CBFA2T2: variants seen among roughly 807,000 people sequenced by gnomAD.
CBFA2T2 encodes the protein CBFA2/RUNX1 partner transcriptional co-repressor 2.
CBFA2T2 carries 11 observed loss-of-function variants against 62.2 expected under a neutral mutation model. That is an observed-to-expected ratio of 0.18 (90% CI 0.11 to 0.29). The LOEUF (loss-of-function observed/expected upper bound fraction) is 0.29, where lower values mean the gene tolerates loss of function less well. CBFA2T2 is among the 10% of genes least tolerant of loss of function. CBFA2T2 has a pLI of 1.00. For synonymous variants in CBFA2T2, 295 were observed against 287.5 expected (o/e 1.03, Z -0.27); for missense variants, 592 against 774.1 (o/e 0.76, Z 2.79).
chr20:33,566,459 A>G (rs973237192), intron 1 of CBFA2T2, among the ~76,000 whole-genome samples: 2 of 152,072 alleles, frequency 1.3e-5, no homozygotes, highest in Non-Finnish European at 2.9e-5. Context: ...TACAAAAATT[A>G]GCCGGGCGTG....
intron 1 of CBFA2T2, among the ~76,000 whole-genome samples, chr20:33,595,091 G>A: frequency 6.6e-6 from 1 of 152,216 alleles, no homozygotes; most frequent in Non-Finnish European, 1.5e-5. Flanking sequence ...AACAGACTTG[G>A]CAATTACAAT....
At chr20:33,503,667 CAG>C (rs758940060) in intron 1 of CBFA2T2, among the ~76,000 whole-genome samples, 1 of 152,016 alleles carries the variant, frequency 6.6e-6, no homozygotes, top group Non-Finnish European at 1.5e-5. Context: ...TCTGTCTTGG[CAG>C]AGTCTCAGAA....
At chr20:33,592,374 T>TTATATATA (rs11473567) in intron 1 of CBFA2T2, among the ~76,000 whole-genome samples, 36 of 142,980 alleles carry the variant, frequency 2.5e-4, no homozygotes, top group South Asian at 1.5e-3. Flanking sequence ...AAAAAAAATT[T>TTATATATA]TATATATATA....
At chr20:33,494,232 CATATATAT>C (rs2011170905) in intron 1 of CBFA2T2, among the ~76,000 whole-genome samples, 12 of 60,036 alleles carry the variant, frequency 2.0e-4, no homozygotes, top group African/African-American at 7.1e-4. Flanking sequence ...ATGTATTAGG[CATATATAT>C]GTGTATATAT....
Position 33,644,955 on chromosome 20 carries a change from C to G in CBFA2T2, c.*309C>G. 3.0e-6 allele frequency: 1 copy of G among 329,096 alleles called. No homozygotes were observed. Among genetic ancestry groups the G allele is most frequent in the South Asian group, 5.6e-5 (1 of 17,788 alleles). The allele number at this position is 329,096 out of a possible 1,614,324, so 20.4% of individuals were successfully genotyped here. ...CCCTTTTCAGTGTAGACCACCAGCT[C>G]CCCTCCCCATCTCCTTGAGTCAGCA... On this transcript the variant is annotated 3_prime_UTR_variant, in exon 11 of 11. Transcript: ENST00000342704.
rs868728307 is a variant in CBFA2T2 at position 33,643,798 on chromosome 20, T to C, written c.1489-549T>C. 1.0e-4 allele frequency among the ~76,000 whole-genome samples: 3 copies of C among 28,960 alleles called. 1 individual carries two copies. The highest frequency in any genetic ancestry group is 3.2e-4 in the African/African-American group (3 of 9,390). 19.0% of individuals were successfully genotyped at this position (28,960 alleles called of 152,430 possible). A position where few individuals can be genotyped will look rare whatever the true frequency, so the allele number is the denominator to read the frequency against. ...ATATATATATATATATATATATATA[T>C]ATATATATATATATATATAGTATAT... is the stretch of plus-strand genomic sequence containing the variant. On this transcript the variant is annotated intron_variant, in intron 10 of 10. Coordinates refer to ENST00000342704, the MANE Select transcript of CBFA2T2 (RefSeq NM_001032999.3).
chr20:33,578,620 A>T (rs879635159), intron 1 of CBFA2T2, among the ~76,000 whole-genome samples: 1 of 152,200 alleles, frequency 6.6e-6, no homozygotes, highest in African/African-American at 2.4e-5. Flanking sequence ...ATGACATGGC[A>T]GTGTATTTCC....
chr20:33,517,570 C>G (rs1408166463), intron 1 of CBFA2T2, among the ~76,000 whole-genome samples: 1 of 151,750 alleles, frequency 6.6e-6, no homozygotes, highest in African/African-American at 2.4e-5. Context: ...GTGCCTCAGC[C>G]TCTTGAGTAG....
intron 1 of CBFA2T2, among the ~76,000 whole-genome samples, chr20:33,605,549 C>T (rs1362846804): frequency 6.6e-6 from 1 of 152,152 alleles, no homozygotes; most frequent in African/African-American, 2.4e-5. Flanking sequence ...TTAGCTCAGA[C>T]CTACCTAATT....
At chr20:33,642,074 C>G (rs1269345218) in intron 10 of CBFA2T2, among the ~76,000 whole-genome samples, 1 of 150,936 alleles carries the variant, frequency 6.6e-6, no homozygotes, top group African/African-American at 2.4e-5. Context: ...CTTTAATCCC[C>G]CTCCCTTTTC....
intron 1 of CBFA2T2, among the ~76,000 whole-genome samples, chr20:33,559,668 A>C (rs1003166181): frequency 6.6e-6 from 1 of 151,964 alleles, no homozygotes; most frequent in Admixed American, 6.6e-5. Flanking sequence ...TGTATTTTTT[A>C]GTAGAGGCGG....
chr20:33,551,929 CT>C (rs1302460841), intron 1 of CBFA2T2, among the ~76,000 whole-genome samples: 2 of 147,122 alleles, frequency 1.4e-5, no homozygotes, highest in Admixed American at 6.7e-5. Context: ...CTTTTTTTTT[CT>C]GCTTACGTAA....
intron 1 of CBFA2T2, chr20:33,562,314 C>T (rs1261093034): frequency 2.2e-6 from 2 of 930,160 alleles, no homozygotes; most frequent in East Asian, 1.2e-4. Flanking sequence ...TGGCAAAGAG[C>T]CCTGGTAACA....
chr20:33,522,576 A>T (rs1272350135), intron 1 of CBFA2T2, among the ~76,000 whole-genome samples: 1 of 151,892 alleles, frequency 6.6e-6, no homozygotes, highest in Non-Finnish European at 1.5e-5. Context: ...AAAAAAAAAA[A>T]TTAAAAAAAT....
At chr20:33,634,525 AG>A (rs2016560725) in intron 8 of CBFA2T2, among the ~76,000 whole-genome samples, 1 of 152,038 alleles carries the variant, frequency 6.6e-6, no homozygotes, top group African/African-American at 2.4e-5. Flanking sequence ...TATGAAAATT[AG>A]CTGATTGTGG....
At chr20:33,635,543 A>G (rs1396783122) in intron 8 of CBFA2T2, among the ~76,000 whole-genome samples, 1 of 152,206 alleles carries the variant, frequency 6.6e-6, no homozygotes, top group Admixed American at 6.5e-5. Flanking sequence ...GATTTACACA[A>G]CAGGAGGATA....
chr20:33,620,031 G>A (rs1396983255), intron 4 of CBFA2T2, among the ~76,000 whole-genome samples: 1 of 152,152 alleles, frequency 6.6e-6, no homozygotes, highest in African/African-American at 2.4e-5. Flanking sequence ...GTCAGGAGAC[G>A]ATGTAGGAAG....
In CBFA2T2 at chr20:33,646,073, G is replaced by C. The variant is rs2017038054; in HGVS notation, c.*1427G>C. On this transcript the variant is annotated 3_prime_UTR_variant, in exon 11 of 11. Transcript: ENST00000342704. The stretch of plus-strand genomic sequence containing the variant: ...GGCTGGAGTGCAGTGGCATGATCTT[G>C]GCTCACTGCAACCTCTGCCTTCCAG... 1 of 152,058 alleles carries C rather than the reference G, an allele frequency of 6.6e-6. No individual in the cohort carries two copies. The highest frequency in any genetic ancestry group is 1.5e-5 in the Non-Finnish European group (1 of 68,040). 9.4% of individuals were successfully genotyped at this position (152,058 alleles called of 1,614,324 possible).
At chr20:33,545,010 T>A (rs1755762) in intron 1 of CBFA2T2, among the ~76,000 whole-genome samples, 2 of 113,944 alleles carry the variant, frequency 1.8e-5, no homozygotes, top group African/African-American at 3.3e-5. Flanking sequence ...TAGAATAGAA[T>A]AGAACAGAAC....
Sources: allele counts gnomAD v4.1 joint callset (sites outside exome capture counted in the v4.1 genomes callset), GRCh38; gene constraint gnomAD v4.1.1; transcripts MANE v1.5; gene names NCBI Gene and HGNC (gene_info 2026-07-23, HGNC 2026-07-21).